GRIN2C: variants seen among roughly 807,000 people sequenced by gnomAD.
The protein encoded by GRIN2C is glutamate receptor ionotropic, NMDA 2C.
A neutral mutation model predicts 77.7 loss-of-function variants in GRIN2C; 64 were observed. The ratio of observed to expected loss-of-function variants is 0.82; its 90% CI spans 0.67 to 1.01. The LOEUF is 1.01. Ranked by LOEUF, GRIN2C falls within the 50% of genes least tolerant of loss-of-function variation. GRIN2C has a pLI of 0.00. For missense variants in GRIN2C, 1,549 were observed against 1,486.0 expected (o/e 1.04, Z -0.70); for synonymous variants, 792 against 643.4 (o/e 1.23, Z -3.49).
rs1420015899 is a variant in GRIN2C, at chr17:74,849,956, G to C, written c.1492-23C>G. On this transcript the variant is annotated intron_variant, in intron 6 of 12. Coordinates refer to ENST00000293190, the MANE Select transcript of GRIN2C (RefSeq NM_000835.6). The surrounding 1 kb of genome is among the most constrained non-coding windows in gnomAD (Gnocchi z 4.6). ...CACCTGGGGGCCGGACGCCACGGAG[G>C]TTTGAAAAAGGGGCTCCCGTGGGGT... The C allele has an allele frequency of 4.4e-6, 7 of 1,602,906 alleles. No individual in the cohort carries two copies. Among genetic ancestry groups the C allele is most frequent in the Non-Finnish European group, 6.0e-6 (7 of 1,176,246 alleles).
chr17:74,856,480 T>C (rs557444391), intron 1 of GRIN2C, among the ~76,000 whole-genome samples: 6 of 67,344 alleles, frequency 8.9e-5, no homozygotes, highest in South Asian at 5.4e-4. Context: ...TCTCTCTCTC[T>C]CTTTTTTTTT....
At chr17:74,857,924 CA>C (rs2037859469) in intron 1 of GRIN2C, among the ~76,000 whole-genome samples, 1 of 152,132 alleles carries the variant, frequency 6.6e-6, no homozygotes, top group Admixed American at 6.6e-5. Context: ...TATGTTTAGT[CA>C]AAGAAAATAT....
Position 74,846,757 on chromosome 17 carries a change from C to T in GRIN2C, c.2162+3G>A. The T allele has an allele frequency of 6.2e-7, 1 of 1,612,928 alleles. No individual in the cohort carries two copies. Among genetic ancestry groups the T allele is most frequent in the South Asian group, 1.1e-5 (1 of 90,864 alleles). Reference sequence around the variant, plus strand: ...GACAGCGGGTGCAGGGCTGGGGACCCACCCCATCTTGAGGCTGGTGAGCGC... The same window carrying T: ...GACAGCGGGTGCAGGGCTGGGGACCTACCCCATCTTGAGGCTGGTGAGCGC... On this transcript the variant is annotated splice_donor_region_variant and intron_variant, in intron 10 of 12. Transcript: ENST00000293190. This position sits in a 1 kb window ranked among gnomAD's most constrained non-coding sequence, Gnocchi z 4.4.
chr17:74,842,126 C>T lies in GRIN2C; in HGVS notation c.*309G>A. The T allele has an allele frequency of 2.8e-6, 1 of 353,362 alleles. No homozygotes were observed. The allele number at this position is 353,362 out of a possible 1,614,324, so 21.9% of individuals were successfully genotyped here. On this transcript the variant is annotated 3_prime_UTR_variant, in exon 13 of 13. Transcript: ENST00000293190. ...CCCTGCCTCAACCACAAGTTCCAGC[C>T]TCCATGCCCACAGCAGCCATGACCA...
In GRIN2C at chr17:74,842,810, G is replaced by A; in HGVS notation, c.3327C>T (p.Asp1109=). The change falls in exon 13 of 13, where the codon GAC becomes GAT. Residue 1109 remains aspartate (D), a synonymous_variant. Coordinates refer to ENST00000293190, the MANE Select transcript of GRIN2C (RefSeq NM_000835.6). ...GCTGPACARP[D]GHSACRRLAQ... ...CCAAGCGCCTGCAGGCCGAGTGGCC[G>A]TCGGGGCGGGCGCAGGCGGGGCCGG... 1.6e-6 allele frequency: 1 copy of A among 611,208 alleles called. No homozygotes were observed. Among genetic ancestry groups the A allele is most frequent in the African/African-American group, 2.0e-5 (1 of 51,226 alleles). 37.9% of individuals were successfully genotyped at this position (611,208 alleles called of 1,614,324 possible).
intron 2 of GRIN2C, chr17:74,854,361 C>G (rs1389910633): frequency 3.7e-6 from 1 of 271,678 alleles, no homozygotes; most frequent in Admixed American, 5.2e-5. Flanking sequence ...GCACCACCTC[C>G]ATGCCCGGCT....
chr17:74,859,671 TC>T lies in GRIN2C; in HGVS notation c.-16+72del, dbSNP rs1403547432. 1 of 152,108 alleles carries T rather than the reference TC, an allele frequency of 6.6e-6. No individual in the cohort carries two copies. The highest frequency in any genetic ancestry group is 6.5e-5 in the Admixed American group (1 of 15,280). 9.4% of individuals were successfully genotyped at this position (152,108 alleles called of 1,614,324 possible). On this transcript the variant is annotated intron_variant, in intron 1 of 12. Coordinates refer to ENST00000293190, the MANE Select transcript of GRIN2C (RefSeq NM_000835.6). This position sits in a 1 kb window ranked among gnomAD's most constrained non-coding sequence, Gnocchi z 5.9. ...CTCCTCCAAGGCTACGGCCCCCGTC[TC>T]CGCGGACCCCGCCCGGACTCCCCCT...
chr17:74,851,472 G>A (rs2037639857), intron 4 of GRIN2C, 105 bp downstream of exon 4: 1 of 655,732 alleles, frequency 1.5e-6, no homozygotes, highest in Non-Finnish European at 2.7e-6. Flanking sequence ...GAAGATGAGG[G>A]GTTGGATAAG....
At chr17:74,852,688 C>T (rs1346161777) in intron 2 of GRIN2C, 77 bp from the exon 3 acceptor site, 2 of 663,102 alleles carry the variant, frequency 3.0e-6, no homozygotes, top group African/African-American at 1.9e-5. Context: ...TCGGCCCCTC[C>T]ATCAGCTCCC....
Position 74,850,530 on chromosome 17 carries a change from C to A in GRIN2C, c.1325+26G>T. The A allele has an allele frequency of 1.9e-6, 3 of 1,609,320 alleles. No individual in the cohort carries two copies. The highest frequency in any genetic ancestry group is 2.6e-6 in the Non-Finnish European group (3 of 1,176,324). ...ATCACACGGCAGCACCCAGCTCACA[C>A]TAGCCTCCCAGGGCCCTCCACAGAC... On this transcript the variant is annotated intron_variant, in intron 5 of 12. Coordinates refer to ENST00000293190, the MANE Select transcript of GRIN2C (RefSeq NM_000835.6). The surrounding 1 kb of genome is among the most constrained non-coding windows in gnomAD (Gnocchi z 5.3).
In GRIN2C at chr17:74,843,475, AGCTGGCCGTGAGGTCCGG is replaced by A. The variant is rs1327359910; in HGVS notation, c.2644_2661del (p.Pro882_Ser887del). ...ATCTTGAGCACGCTGGCCTGGGCCG[AGCTGGCCGTGAGGTCCGG>A]GCTGGCCTGCCGCGGTGGGCTGGCG... On this transcript the variant is annotated inframe_deletion, in exon 13 of 13. Transcript: ENST00000293190. 3 of 1,534,008 alleles carry A rather than the reference AGCTGGCCGTGAGGTCCGG, an allele frequency of 2.0e-6. No individual in the cohort carries two copies. Among genetic ancestry groups the A allele is most frequent in the East Asian group, 2.4e-5 (1 of 40,882 alleles).
At chr17:74,860,458 C>A (rs1302787761), upstream of GRIN2C, 2 of 456,730 alleles carry the variant, frequency 4.4e-6, no homozygotes, top group Non-Finnish European at 8.8e-6. Flanking sequence ...CCCAGCAGCT[C>A]CTTGCAGGGT....
At chr17:74,844,643 A>C in intron 11 of GRIN2C, 135 bp from the exon 12 acceptor site, 50 of 1,412,992 alleles carry the variant, frequency 3.5e-5, no homozygotes, top group Non-Finnish European at 4.4e-5. Context: ...AGCAGACCAC[A>C]TGGGGATCCA....
In GRIN2C at chr17:74,852,620, G is replaced by GA. The variant is rs2037697971; in HGVS notation, c.400-10_400-9insT. ...AAGGCGGAGCCCGGCTCCTGGGGGC[G>GA]GGCGGGGCCTGAGCGGGGCGGGAGG... On this transcript the variant is annotated splice_polypyrimidine_tract_variant and intron_variant, in intron 2 of 12. Transcript: ENST00000293190. The GA allele has an allele frequency of 2.6e-6, 3 of 1,153,814 alleles. No individual in the cohort carries two copies. The highest frequency in any genetic ancestry group is 4.3e-5 in the African/African-American group (1 of 23,434). The allele number at this position is 1,153,814 out of a possible 1,614,324, so 71.5% of individuals were successfully genotyped here. A position where few individuals can be genotyped will look rare whatever the true frequency, so the allele number is the denominator to read the frequency against.
rs1398207980 is a variant in GRIN2C, at chr17:74,842,789, G to A, written c.3348C>T (p.Arg1116=). 1 of 636,526 alleles carries A rather than the reference G, an allele frequency of 1.6e-6. No homozygotes were observed. The highest frequency in any genetic ancestry group is 2.8e-6 in the Non-Finnish European group (1 of 356,984). 39.4% of individuals were successfully genotyped at this position (636,526 alleles called of 1,614,324 possible). Residue 1116 remains arginine, a synonymous_variant, in exon 13 of 13, where the codon CGC becomes CGT. Coordinates refer to ENST00000293190, the MANE Select transcript of GRIN2C (RefSeq NM_000835.6). ...ARPDGHSACR[R]LAQAQSMCLP... is the part of the protein sequence containing the mutation. ...AGCACATCGACTGCGCCTGCGCCAA[G>A]CGCCTGCAGGCCGAGTGGCCGTCGG...
intron 1 of GRIN2C, among the ~76,000 whole-genome samples, chr17:74,858,430 C>T (rs948361695): frequency 1.3e-5 from 2 of 151,868 alleles, no homozygotes; most frequent in African/African-American, 2.4e-5. Flanking sequence ...TCCCAGAATA[C>T]CTCCAGAGCC....
At position 74,843,684 on chromosome 17, in the gene GRIN2C, C is replaced by A. The variant is rs1227791754; in HGVS notation, c.2584-131G>T. The stretch of plus-strand genomic sequence containing the variant: ...CAGGAAGTAGCTAACTGTGAAGCAT[C>A]TCCCATGCGCCAGGCACTGTGCTTT... On this transcript the variant is annotated intron_variant, in intron 12 of 12. Transcript: ENST00000293190. The A allele has an allele frequency of 2.5e-6, 3 of 1,223,362 alleles. No homozygotes were observed. In the East Asian group the frequency reaches 7.7e-5, roughly 32 times the overall value. The allele number at this position is 1,223,362 out of a possible 1,614,324, so 75.8% of individuals were successfully genotyped here. A position where few individuals can be genotyped will look rare whatever the true frequency, so the allele number is the denominator to read the frequency against.
At position 74,843,450 on chromosome 17, in the gene GRIN2C, A is replaced by G. The variant is rs913618556; in HGVS notation, c.2687T>C (p.Met896Thr). Residue 896 changes from methionine to threonine, a missense_variant, in exon 13 of 13, where the codon ATG (methionine) becomes ACG (threonine). Transcript: ENST00000293190. ...ASSAQASVLK[M>T]LQAARDMVTT... Reference sequence around the variant, plus strand: ...CACCATGTCGCGGGCTGCCTGCAGCATCTTGAGCACGCTGGCCTGGGCCGA... The same window carrying G: ...CACCATGTCGCGGGCTGCCTGCAGCGTCTTGAGCACGCTGGCCTGGGCCGA... 1.0e-5 allele frequency: 16 copies of G among 1,535,514 alleles called. No homozygotes were observed. Among genetic ancestry groups the G allele is most frequent in the Non-Finnish European group, 1.4e-5 (16 of 1,146,318 alleles).
rs368138057 is a variant in GRIN2C at position 74,844,403 on chromosome 17, A to T, written c.2456T>A (p.Phe819Tyr). ...CCCCATGGCCACCAGCAGCATGTAG[A>T]AGACGCCTGCCATGTTGTCGATGTC... ...KLDIDNMAGV[F>Y]YMLLVAMGLA... is the part of the protein sequence containing the mutation. The change falls in exon 12 of 13, where the codon TTC (phenylalanine) becomes TAC (tyrosine). Residue 819 changes from phenylalanine to tyrosine, a missense_variant. Physicochemically the swap from Phe to Tyr is conservative, Grantham distance 22 (BLOSUM62 3). This residue lies in a region of GRIN2C where 717 missense variants were observed against 858.1 expected (regional missense o/e 0.84). Transcript: ENST00000293190. 112 of 1,614,068 alleles carry T rather than the reference A, an allele frequency of 6.9e-5. No individual in the cohort carries two copies. Among genetic ancestry groups the T allele is most frequent in the Non-Finnish European group, 9.2e-5 (108 of 1,180,044 alleles).
Sources: allele counts gnomAD v4.1 joint callset (sites outside exome capture counted in the v4.1 genomes callset), GRCh38; gene constraint gnomAD v4.1.1; regional missense constraint gnomAD v4.1.1; non-coding constraint Gnocchi (gnomAD v3.1); transcripts MANE v1.5; gene names NCBI Gene and HGNC (gene_info 2026-07-23, HGNC 2026-07-21).